ZSWIM6: variants seen among roughly 807,000 people sequenced by gnomAD.
The protein encoded by ZSWIM6 is zinc finger SWIM domain-containing protein 6.
In ZSWIM6, 9 loss-of-function variants were observed where a neutral mutation model predicts 113.2. The observed-to-expected ratio is 0.08, with a 90% CI of 0.05 to 0.14. The LOEUF (loss-of-function observed/expected upper bound fraction) is 0.14. Among genes scored for constraint, ZSWIM6 ranks in the 10% least tolerant of loss-of-function variants. The pLI is 1.00. For synonymous variants in ZSWIM6, 611 were observed against 606.5 expected (o/e 1.01, Z -0.11); for missense variants, 1,162 against 1,552.2 (o/e 0.75, Z 4.22).
At chr5:61,421,668 C>T (rs1416962696) in intron 1 of ZSWIM6, among the ~76,000 whole-genome samples, 2 of 152,118 alleles carry the variant, frequency 1.3e-5, no homozygotes, top group Non-Finnish European at 2.9e-5. Flanking sequence ...GTCTGTTGTT[C>T]CCTTCTTTGT....
intron 1 of ZSWIM6, among the ~76,000 whole-genome samples, chr5:61,399,321 A>C (rs1214117148): frequency 6.7e-6 from 1 of 149,668 alleles, no homozygotes; most frequent in Non-Finnish European, 1.5e-5. Flanking sequence ...CTAATTATGG[A>C]TTAAATCCTA....
At chr5:61,521,232 A>G in intron 4 of ZSWIM6, 31 bp from the exon 5 acceptor site, 2 of 1,252,000 alleles carry the variant, frequency 1.6e-6, no homozygotes, top group Middle Eastern at 2.0e-4. Context: ...TAATTTTTGA[A>G]CATTTATTTT....
intron 4 of ZSWIM6, among the ~76,000 whole-genome samples, chr5:61,510,501 C>CT (rs35089164): frequency 0.38 from 55,208 of 147,150 alleles, 10,196 homozygotes; most frequent in South Asian, 0.43. Flanking sequence ...GTGACGAATG[C>CT]TTTTTTTTTT....
chr5:61,439,810 T>C (rs1287589402), intron 1 of ZSWIM6, among the ~76,000 whole-genome samples: 2 of 152,214 alleles, frequency 1.3e-5, no homozygotes, highest in African/African-American at 2.4e-5. Flanking sequence ...ATAAGTGATT[T>C]TCCAATTTAA....
At chr5:61,478,525 A>G (rs961430043) in intron 2 of ZSWIM6, among the ~76,000 whole-genome samples, 2 of 152,200 alleles carry the variant, frequency 1.3e-5, no homozygotes, top group African/African-American at 4.8e-5. Flanking sequence ...TTAATATATC[A>G]TGAATATCTT....
intron 1 of ZSWIM6, among the ~76,000 whole-genome samples, chr5:61,415,918 A>G (rs888378344): frequency 2.6e-5 from 4 of 152,258 alleles, no homozygotes; most frequent in African/African-American, 4.8e-5. Context: ...ACATTTACCA[A>G]TGAAAGGTAA....
At chr5:61,380,987 G>A (rs989514926) in intron 1 of ZSWIM6, among the ~76,000 whole-genome samples, 1 of 151,902 alleles carries the variant, frequency 6.6e-6, no homozygotes, top group African/African-American at 2.4e-5. Context: ...GGTGGCTCAC[G>A]CCTGTAATCC....
At chr5:61,361,294 T>G (rs1745029274) in intron 1 of ZSWIM6, among the ~76,000 whole-genome samples, 1 of 152,162 alleles carries the variant, frequency 6.6e-6, no homozygotes, top group African/African-American at 2.4e-5. Flanking sequence ...GAAAAAGTAA[T>G]AGAAGTGGGA....
intron 8 of ZSWIM6, 123 bp from the exon 9 acceptor site, chr5:61,531,342 C>T: frequency 8.5e-7 from 1 of 1,180,488 alleles, no homozygotes. Flanking sequence ...AACATGTTTT[C>T]TGGCTTTCTC....
chr5:61,407,808 AAAAAT>A (rs1477908129), intron 1 of ZSWIM6, among the ~76,000 whole-genome samples: 2 of 152,204 alleles, frequency 1.3e-5, no homozygotes, highest in Non-Finnish European at 2.9e-5. Flanking sequence ...TCTGTTTTCT[AAAAAT>A]AAAATAAGCT....
intron 1 of ZSWIM6, among the ~76,000 whole-genome samples, chr5:61,422,395 C>T (rs986127608): frequency 3.3e-5 from 5 of 152,178 alleles, no homozygotes; most frequent in African/African-American, 1.2e-4. Context: ...GGATTCATCT[C>T]TGGGTTCTCT....
intron 1 of ZSWIM6, among the ~76,000 whole-genome samples, chr5:61,371,811 A>G (rs964614786): frequency 1.3e-5 from 2 of 152,214 alleles, no homozygotes; most frequent in African/African-American, 2.4e-5. Flanking sequence ...TGAAACCTTT[A>G]ATCTGTGGAA....
At chr5:61,379,502 A>G (rs1745435707) in intron 1 of ZSWIM6, among the ~76,000 whole-genome samples, 2 of 152,162 alleles carry the variant, frequency 1.3e-5, no homozygotes, top group Non-Finnish European at 2.9e-5. Context: ...TCATTTTTCC[A>G]AAGGGTCTTT....
chr5:61,429,816 C>T (rs1746540401), intron 1 of ZSWIM6, among the ~76,000 whole-genome samples: 1 of 152,042 alleles, frequency 6.6e-6, no homozygotes, highest in South Asian at 2.1e-4. Flanking sequence ...CACTCCATTG[C>T]TCAGCTCCAG....
At chr5:61,371,933 C>T (rs1745272675) in intron 1 of ZSWIM6, among the ~76,000 whole-genome samples, 1 of 152,118 alleles carries the variant, frequency 6.6e-6, no homozygotes, top group Admixed American at 6.6e-5. Flanking sequence ...CTTTAAATTC[C>T]ACTTTCCATT....
chr5:61,535,341 G>A, intron 9 of ZSWIM6, 143 bp from the exon 10 acceptor site: 1 of 1,047,078 alleles, frequency 9.6e-7, no homozygotes, highest in Non-Finnish European at 1.4e-6. Context: ...TTTTGATTAA[G>A]GATTATATTC....
chr5:61,362,517 G>GT (rs1184497874), intron 1 of ZSWIM6, among the ~76,000 whole-genome samples: 2 of 152,042 alleles, frequency 1.3e-5, no homozygotes, highest in Non-Finnish European at 2.9e-5. Flanking sequence ...AGTTTTACAG[G>GT]TTTTCCCTGC....
At chr5:61,394,310 C>G (rs531702425) in intron 1 of ZSWIM6, among the ~76,000 whole-genome samples, 25 of 152,300 alleles carry the variant, frequency 1.6e-4, no homozygotes, top group Admixed American at 2.6e-4. Context: ...GTGCCCTTGT[C>G]TCTGGGCATG....
chr5:61,486,165 C>A (rs1420268270), intron 2 of ZSWIM6, among the ~76,000 whole-genome samples: 1 of 152,134 alleles, frequency 6.6e-6, no homozygotes, highest in East Asian at 1.9e-4. Flanking sequence ...ACTCCATGCC[C>A]TTCTGTACAT....
Sources: gnomAD v4.1 joint callset for allele counts (sites outside exome capture counted in the v4.1 genomes callset) on GRCh38, gnomAD v4.1.1 for gene constraint, MANE v1.5 for transcripts, NCBI Gene and HGNC (gene_info 2026-07-23, HGNC 2026-07-21) for gene names.